The following COL21A1 variants were observed in gnomAD, a reference collection of about 807,000 sequenced individuals.
COL21A1 encodes collagen alpha-1(XXI) chain.
A neutral mutation model predicts 137.9 loss-of-function variants in COL21A1; 149 were observed. The ratio of observed to expected loss-of-function variants is 1.08; its 90% CI spans 0.95 to 1.24. The LOEUF (loss-of-function observed/expected upper bound fraction) is 1.24. COL21A1 is among the 50% of genes most tolerant of loss of function. COL21A1 has a pLI of 0.00. For synonymous variants in COL21A1, 456 were observed against 391.5 expected (o/e 1.16, Z -1.95); for missense variants, 1,167 against 1,158.4 (o/e 1.01, Z -0.11).
At chr6:56,307,725 C>T (rs115079296) in intron 1 of COL21A1, among the ~76,000 whole-genome samples, 2,506 of 152,236 alleles carry the variant, frequency 0.016, 62 homozygotes, top group African/African-American at 0.056. Flanking sequence ...ACTGCACCCA[C>T]GGTCCTGCAC....
In COL21A1 at chr6:56,060,163, C is replaced by T. The variant is rs747594548; in HGVS notation, c.2463G>A (p.Leu821=). 2 of 1,610,478 alleles carry T rather than the reference C, an allele frequency of 1.2e-6. No homozygotes were observed. The highest frequency in any genetic ancestry group is 1.7e-6 in the Non-Finnish European group (2 of 1,178,948). ...GAATACCCGGGGAGCCATGTTGGGACAGGCAATGATCACAATTTCTAATTC... is the reference window on the plus strand; with the variant it reads ...GAATACCCGGGGAGCCATGTTGGGATAGGCAATGATCACAATTTCTAATTC... The part of the protein sequence containing the change: ...SGRIRNCDHC[L]SQHGSPGIPG... The change falls in exon 28 of 30, where the codon CTG becomes CTA. Residue 821 remains leucine (L), a synonymous_variant. Coordinates refer to ENST00000244728, the MANE Select transcript of COL21A1 (RefSeq NM_030820.4).
chr6:56,251,095 C>A (rs1395542314), upstream of COL21A1, among the ~76,000 whole-genome samples: 3 of 152,130 alleles, frequency 2.0e-5, no homozygotes, highest in Non-Finnish European at 4.4e-5. Flanking sequence ...TCTGCCTCAT[C>A]CAAATGCAGG....
At chr6:56,346,349 T>C (rs538905158) in intron 1 of COL21A1, among the ~76,000 whole-genome samples, 1 of 152,348 alleles carries the variant, frequency 6.6e-6, no homozygotes, top group East Asian at 1.9e-4. Flanking sequence ...CAGCATGTAC[T>C]CTTTTGGGTC....
intron 17 of COL21A1, among the ~76,000 whole-genome samples, chr6:56,081,479 T>C (rs1003872609): frequency 5.3e-5 from 8 of 151,900 alleles, no homozygotes; most frequent in Non-Finnish European, 1.2e-4. Context: ...TTCATCACTA[T>C]TTGTTCATAA....
chr6:56,057,668 G>A lies in COL21A1; in HGVS notation c.2863C>T (p.Pro955Ser), dbSNP rs1765442427. The A allele has an allele frequency of 1.9e-6, 3 of 1,612,962 alleles. No individual in the cohort carries two copies. Among genetic ancestry groups the A allele is most frequent in the Middle Eastern group, 3.4e-4 (2 of 5,892 alleles). The change falls in exon 30 of 30, where the codon CCA becomes TCA. Residue 955 changes from proline to serine, a missense_variant. Pro to Ser is a moderately conservative substitution (Grantham distance 74). Transcript: ENST00000244728. ...IARRDPFRKG[P>S]NY Reference sequence around the variant, plus strand: ...TGAGGCATCAGACACTAATAGTTTGGTCCTTTTCTGAACGGATCTCTTCTG... The same window carrying A: ...TGAGGCATCAGACACTAATAGTTTGATCCTTTTCTGAACGGATCTCTTCTG...
At chr6:56,108,314 G>A (rs907419281) in intron 16 of COL21A1, among the ~76,000 whole-genome samples, 5 of 151,834 alleles carry the variant, frequency 3.3e-5, no homozygotes, top group Non-Finnish European at 7.4e-5. Flanking sequence ...AAAAAATTCA[G>A]ATTGCTTTAA....
chr6:56,125,757 G>GCAAA, intron 13 of COL21A1, 137 bp from the exon 14 acceptor site: 1 of 581,670 alleles, frequency 1.7e-6, no homozygotes, highest in Non-Finnish European at 2.8e-6. Context: ...TTTAAAGTTT[G>GCAAA]CTTTAAAAGG....
chr6:56,154,877 T>C (rs955064664), intron 10 of COL21A1, among the ~76,000 whole-genome samples: 1 of 152,106 alleles, frequency 6.6e-6, no homozygotes, highest in African/African-American at 2.4e-5. Context: ...CCCTTCAGCC[T>C]CCCTACTTTT....
At chr6:56,365,091 C>A (rs1015292872) in intron 1 of COL21A1, among the ~76,000 whole-genome samples, 2 of 152,098 alleles carry the variant, frequency 1.3e-5, no homozygotes, top group African/African-American at 4.8e-5. Context: ...TAAGGCAACC[C>A]CTTTAATCTC....
rs941867389 is a variant in COL21A1, at chr6:56,237,970, C to G, written c.-39+9417G>C. 2.6e-5 allele frequency among the ~76,000 whole-genome samples: 4 copies of G among 152,044 alleles called. No homozygotes were observed. The East Asian group carries it at 5.8e-4, about 22-fold the overall frequency. The stretch of plus-strand genomic sequence containing the variant: ...TATGGTGTTTTTGTTTTATTTTTAG[C>G]TTAATAGACTACGTGGTTAGTCTAA... On this transcript the variant is annotated intron_variant, in intron 1 of 29. Coordinates refer to ENST00000244728, the MANE Select transcript of COL21A1 (RefSeq NM_030820.4).
Position 56,057,436 on chromosome 6 carries a change from T to G in COL21A1, c.*221A>C. On this transcript the variant is annotated 3_prime_UTR_variant, in exon 30 of 30. Coordinates refer to ENST00000244728, the MANE Select transcript of COL21A1 (RefSeq NM_030820.4). ...ATAAATGGACTTTACAAGAAACCCT[T>G]GAGATTTAATTAATGCTGCTAATCC... is the stretch of plus-strand genomic sequence containing the variant. 7 of 525,134 alleles carry G rather than the reference T, an allele frequency of 1.3e-5. No homozygotes were observed. The highest frequency in any genetic ancestry group is 7.7e-5 in the East Asian group (2 of 25,850). The allele number at this position is 525,134 out of a possible 1,614,324, so 32.5% of individuals were successfully genotyped here.
intron 17 of COL21A1, among the ~76,000 whole-genome samples, chr6:56,087,703 A>G (rs1196662251): frequency 6.6e-6 from 1 of 152,202 alleles, no homozygotes; most frequent in Non-Finnish European, 1.5e-5. Context: ...GCATTTGTAC[A>G]AAACAGTACA....
chr6:56,072,154 C>G (rs1420163707), intron 20 of COL21A1, among the ~76,000 whole-genome samples: 1 of 151,460 alleles, frequency 6.6e-6, no homozygotes, highest in Non-Finnish European at 1.5e-5. Flanking sequence ...GACATGACCT[C>G]GTTGTTTTTT....
At chr6:56,111,620 T>C (rs1771438970) in intron 16 of COL21A1, among the ~76,000 whole-genome samples, 1 of 151,884 alleles carries the variant, frequency 6.6e-6, no homozygotes, top group South Asian at 2.1e-4. Flanking sequence ...TCCCAGCACT[T>C]TGGGAATCTG....
At chr6:56,098,570 T>C (rs1769991669) in intron 17 of COL21A1, among the ~76,000 whole-genome samples, 1 of 42,860 alleles carries the variant, frequency 2.3e-5, no homozygotes, top group Admixed American at 4.1e-4. Flanking sequence ...TATATAAATA[T>C]ATATAAATAT....
chr6:56,261,634 T>C (rs1351911393), intron 1 of COL21A1, among the ~76,000 whole-genome samples: 1 of 152,226 alleles, frequency 6.6e-6, no homozygotes, highest in East Asian at 1.9e-4. Context: ...AAAGATAATG[T>C]TTATTGTATT....
intron 1 of COL21A1, among the ~76,000 whole-genome samples, chr6:56,227,805 G>T (rs2152316200): frequency 6.6e-6 from 1 of 152,108 alleles, no homozygotes; most frequent in African/African-American, 2.4e-5. Flanking sequence ...TACAATAATA[G>T]AGACCTTAAT....
intron 1 of COL21A1, among the ~76,000 whole-genome samples, chr6:56,271,195 CAGAT>C (rs1338555291): frequency 6.6e-6 from 1 of 152,146 alleles, no homozygotes; most frequent in African/African-American, 2.4e-5. Flanking sequence ...GAGATGGTCT[CAGAT>C]GGAGATGAGG....
At chr6:56,381,846 G>T (rs1184773350) in intron 1 of COL21A1, among the ~76,000 whole-genome samples, 1 of 152,132 alleles carries the variant, frequency 6.6e-6, no homozygotes, top group East Asian at 1.9e-4. Flanking sequence ...CACACTTCCA[G>T]CACCTCAACT....
Sources: allele counts gnomAD v4.1 joint callset (sites outside exome capture counted in the v4.1 genomes callset), GRCh38; gene constraint gnomAD v4.1.1; transcripts MANE v1.5; gene names NCBI Gene and HGNC (gene_info 2026-07-23, HGNC 2026-07-21).